Variants in CDH13 observed in about 807,000 individuals in gnomAD.
CDH13 encodes the protein cadherin-13.
In CDH13, 24 loss-of-function variants were observed where a neutral mutation model predicts 63.8. That is an observed-to-expected ratio of 0.38 (90% confidence interval 0.27 to 0.53). CDH13 has a LOEUF of 0.53. Among genes scored for constraint, CDH13 ranks in the 20% least tolerant of loss-of-function variants. The pLI is 0.85. For synonymous variants in CDH13, 503 were observed against 355.3 expected, an observed-to-expected ratio of 1.42 and a Z score of -4.67; for missense variants, 1,049 against 903.1, an observed-to-expected ratio of 1.16 and a Z score of -2.07.
intron 2 of CDH13, among the ~76,000 whole-genome samples, chr16:82,877,156 C>A (rs1044365423): frequency 2.0e-5 from 3 of 152,072 alleles, no homozygotes; most frequent in Non-Finnish European, 2.9e-5. Context: ...TAGCCTCAAG[C>A]AATTTAAGAT....
rs181643166 is a variant in CDH13, at chr16:83,568,979, G to A, written c.961-33475G>A. 2.2e-3 allele frequency among the ~76,000 whole-genome samples: 335 copies of A among 152,014 alleles called. 4 individuals carry two copies. Among genetic ancestry groups the A allele is most frequent in the South Asian group, 0.015 (73 of 4,798 alleles). ...CTCCTTTTCTGAAACACTCTCCTCT[G>A]CTTGAAAGTACTGAAGGCTTCATCT... On this transcript the variant is annotated intron_variant, in intron 7 of 13. Coordinates refer to ENST00000567109, the MANE Select transcript of CDH13 (RefSeq NM_001257.5).
At chr16:82,723,388 T>C (rs991195162) in intron 1 of CDH13, among the ~76,000 whole-genome samples, 1 of 152,208 alleles carries the variant, frequency 6.6e-6, no homozygotes, top group African/African-American at 2.4e-5. Flanking sequence ...CTCTTCCTTC[T>C]TTGTCTTGGG....
At chr16:83,592,786 A>G (rs954273933) in intron 7 of CDH13, among the ~76,000 whole-genome samples, 1 of 152,162 alleles carries the variant, frequency 6.6e-6, no homozygotes, top group East Asian at 1.9e-4. Context: ...ATAAATAAAT[A>G]AAAAATAAAA....
At chr16:83,708,573 T>TA (rs1273452562) in intron 10 of CDH13, among the ~76,000 whole-genome samples, 1 of 152,174 alleles carries the variant, frequency 6.6e-6, no homozygotes, top group African/African-American at 2.4e-5. Context: ...CATGCTAGGC[T>TA]AAGTAACGCC....
intron 10 of CDH13, among the ~76,000 whole-genome samples, chr16:83,723,221 A>C (rs1374206773): frequency 6.6e-6 from 1 of 152,200 alleles, no homozygotes; most frequent in Non-Finnish European, 1.5e-5. Context: ...AAGCTACCTC[A>C]TGCCAAGGAC....
intron 5 of CDH13, among the ~76,000 whole-genome samples, chr16:83,228,950 A>G (rs757267625): frequency 2.7e-4 from 41 of 152,282 alleles, no homozygotes; most frequent in Middle Eastern, 6.8e-3. Context: ...AGATAGATGC[A>G]GTTTTCACCC....
intron 7 of CDH13, among the ~76,000 whole-genome samples, chr16:83,566,721 C>T (rs990246962): frequency 6.6e-6 from 1 of 152,194 alleles, no homozygotes; most frequent in African/African-American, 2.4e-5. Flanking sequence ...AGCACTCTGC[C>T]TTCAGGGTTG....
intron 2 of CDH13, among the ~76,000 whole-genome samples, chr16:82,899,335 C>A (rs989709778): frequency 1.3e-5 from 2 of 152,162 alleles, no homozygotes; most frequent in African/African-American, 4.8e-5. Context: ...AGAGATTATT[C>A]TTTTAATAAT....
intron 4 of CDH13, among the ~76,000 whole-genome samples, chr16:83,166,014 G>T (rs2037648688): frequency 6.6e-6 from 1 of 152,134 alleles, no homozygotes; most frequent in African/African-American, 2.4e-5. Context: ...TAGAAAAAAT[G>T]AAAGTGGAGA....
At chr16:83,149,339 T>C (rs890666268) in intron 4 of CDH13, among the ~76,000 whole-genome samples, 4 of 152,202 alleles carry the variant, frequency 2.6e-5, no homozygotes, top group African/African-American at 7.2e-5. Flanking sequence ...AAGCTTATAA[T>C]GAGAAAGACA....
At chr16:82,641,869 T>G (rs1395409818) in intron 1 of CDH13, among the ~76,000 whole-genome samples, 1 of 152,036 alleles carries the variant, frequency 6.6e-6, no homozygotes, top group African/African-American at 2.4e-5. Flanking sequence ...AACAGGTAGG[T>G]ATGTGATGTC....
At chr16:83,664,405 A>C (rs533259511) in intron 8 of CDH13, among the ~76,000 whole-genome samples, 33 of 152,246 alleles carry the variant, frequency 2.2e-4, no homozygotes, top group Admixed American at 2.2e-3. Flanking sequence ...ATCTGTTCTG[A>C]GACATCGGGC....
chr16:83,653,589 C>T (rs1278164281), intron 8 of CDH13, among the ~76,000 whole-genome samples: 6 of 152,260 alleles, frequency 3.9e-5, no homozygotes, highest in Non-Finnish European at 1.5e-5. Context: ...ATATCATCAG[C>T]ACTCTAGCAT....
chr16:83,116,731 C>T (rs1162590746), intron 3 of CDH13, among the ~76,000 whole-genome samples: 3 of 152,216 alleles, frequency 2.0e-5, no homozygotes, highest in Admixed American at 6.5e-5. Flanking sequence ...TCCTAACAAT[C>T]ACTGTGTTAC....
chr16:83,260,852 G>T (rs1202446354), intron 5 of CDH13, among the ~76,000 whole-genome samples: 1 of 152,086 alleles, frequency 6.6e-6, no homozygotes, highest in African/African-American at 2.4e-5. Flanking sequence ...AGTCAGCAAA[G>T]AATGTATTTG....
chr16:82,785,473 C>T (rs865956457), intron 1 of CDH13, among the ~76,000 whole-genome samples: 1 of 152,178 alleles, frequency 6.6e-6, no homozygotes, highest in African/African-American at 2.4e-5. Context: ...CATAATAGAG[C>T]AGCACACCTG....
At chr16:83,066,194 C>T (rs1420061253) in intron 3 of CDH13, among the ~76,000 whole-genome samples, 1 of 152,180 alleles carries the variant, frequency 6.6e-6, no homozygotes, top group African/African-American at 2.4e-5. Flanking sequence ...GGCTTTTTCT[C>T]AGCTACATGG....
At chr16:83,498,252 C>A (rs2074193998) in intron 7 of CDH13, among the ~76,000 whole-genome samples, 1 of 152,064 alleles carries the variant, frequency 6.6e-6, no homozygotes, top group Admixed American at 6.6e-5. Flanking sequence ...AGTCTTGGAG[C>A]CAGATGGACT....
intron 1 of CDH13, among the ~76,000 whole-genome samples, chr16:82,769,294 C>T (rs936000258): frequency 5.9e-5 from 9 of 151,792 alleles, no homozygotes; most frequent in Non-Finnish European, 8.8e-5. Flanking sequence ...TATTTGGTGC[C>T]GTGGCAGAAG....
Sources: allele counts gnomAD v4.1 joint callset (sites outside exome capture counted in the v4.1 genomes callset), GRCh38; gene constraint gnomAD v4.1.1; transcripts MANE v1.5; gene names NCBI Gene and HGNC (gene_info 2026-07-23, HGNC 2026-07-21).